INTS6: variants seen among roughly 807,000 people sequenced by gnomAD.
The protein encoded by INTS6 is integrator complex subunit 6, also known as DEAD box protein.
INTS6 carries 16 observed loss-of-function variants against 104.9 expected under a neutral mutation model. That is an observed-to-expected ratio of 0.15 (90% CI 0.10 to 0.23). The LOEUF (loss-of-function observed/expected upper bound fraction) is 0.23. Ranked by LOEUF, INTS6 falls within the 10% of genes least tolerant of loss-of-function variation. The probability of loss-of-function intolerance (pLI) is 1.00; values close to 1 mark genes in which losing one functional copy is unlikely to be tolerated. For synonymous variants in INTS6, 324 were observed against 358.7 expected (o/e 0.90, Z 1.09); for missense variants, 584 against 1,062.8 (o/e 0.55, Z 6.26).
chr13:51,422,220 A>G (rs1205961608), intron 4 of INTS6, among the ~76,000 whole-genome samples: 3 of 152,070 alleles, frequency 2.0e-5, no homozygotes, highest in Non-Finnish European at 4.4e-5. Flanking sequence ...TTTATTTTTT[A>G]TCACCCACAT....
intron 3 of INTS6, among the ~76,000 whole-genome samples, chr13:51,355,811 T>C (rs1955472404): frequency 6.6e-6 from 1 of 152,190 alleles, no homozygotes; most frequent in African/African-American, 2.4e-5. Flanking sequence ...CAAGACACCA[T>C]TGGCTAAACT....
intron 4 of INTS6, among the ~76,000 whole-genome samples, chr13:51,423,786 T>C (rs1381217810): frequency 2.0e-5 from 3 of 152,062 alleles, no homozygotes; most frequent in African/African-American, 7.2e-5. Flanking sequence ...GTCAAAAACA[T>C]TTCTAACTTT....
At position 51,361,889 on chromosome 13, in the gene INTS6, C is replaced by T; in HGVS notation, c.*3863G>A. ...TCATCTATTTCCTGAGAGAACCTAA[C>T]ACAGGTATTACAGTATTTTTTGACA... is the stretch of plus-strand genomic sequence containing the variant. On this transcript the variant is annotated 3_prime_UTR_variant, in exon 18 of 18. Transcript: ENST00000311234. The T allele has an allele frequency of 6.2e-7, 1 of 1,611,470 alleles. No homozygotes were observed. The highest frequency in any genetic ancestry group is 1.1e-5 in the South Asian group (1 of 90,958).
chr13:51,444,638 A>C (rs2138155240), intron 3 of INTS6: 1 of 151,790 alleles, frequency 6.6e-6, no homozygotes, highest in African/African-American at 2.4e-5. Flanking sequence ...AATCCCAGCT[A>C]CTCAGGAGGC....
chr13:51,389,325 C>T lies in INTS6; in HGVS notation c.733G>A (p.Val245Ile), dbSNP rs974762754. 2 of 1,611,770 alleles carry T rather than the reference C, an allele frequency of 1.2e-6. No homozygotes were observed. The highest frequency in any genetic ancestry group is 1.7e-6 in the Non-Finnish European group (2 of 1,179,246). Residue 245 changes from valine to isoleucine, a missense_variant, in exon 6 of 18, where the codon GTA becomes ATA. Val to Ile is a conservative substitution (Grantham distance 29). Coordinates refer to ENST00000311234, the MANE Select transcript of INTS6 (RefSeq NM_012141.3). ...FEKAGPDPSP[V>I]EDGQPDISRP... is the part of the protein sequence containing the mutation. Reference sequence around the variant, plus strand: ...AAGAAAAGTGCAATAATACCTTCTACAGGGGAAGGATCTGGTCCTGCTTTT... The same window carrying T: ...AAGAAAAGTGCAATAATACCTTCTATAGGGGAAGGATCTGGTCCTGCTTTT...
intron 3 of INTS6, 190 bp downstream of exon 3, chr13:51,450,835 G>C: frequency 8.3e-7 from 1 of 1,209,920 alleles, no homozygotes; most frequent in Non-Finnish European, 1.0e-6. Flanking sequence ...ATGCATTTTA[G>C]AGGGGGAAAA....
At chr13:51,395,073 T>C (rs1249151651) in intron 5 of INTS6, among the ~76,000 whole-genome samples, 1 of 152,208 alleles carries the variant, frequency 6.6e-6, no homozygotes, top group Non-Finnish European at 1.5e-5. Context: ...TCTATACAAG[T>C]AGAAAAAATA....
At chr13:51,383,548 C>T (rs370746281) in intron 8 of INTS6, 41 bp downstream of exon 8, 6 of 1,602,344 alleles carry the variant, frequency 3.7e-6, no homozygotes, top group Non-Finnish European at 3.4e-6. Context: ...TAAGAAATGC[C>T]TCATTTAAAT....
At chr13:51,343,674 C>T in the INTS6 span, among the ~76,000 whole-genome samples, 3 of 152,166 alleles carry the variant, frequency 2.0e-5, no homozygotes, top group African/African-American at 7.2e-5. Context: ...TCTTACTTTT[C>T]CTCTGTATTT....
chr13:51,438,956 C>T (rs1952743481), intron 3 of INTS6: 1 of 152,162 alleles, frequency 6.6e-6, no homozygotes, highest in South Asian at 2.1e-4. Flanking sequence ...AAATAGTTTT[C>T]AATTATTTCA....
the INTS6 span, chr13:51,348,178 G>T: frequency 6.6e-7 from 1 of 1,509,832 alleles, no homozygotes; most frequent in South Asian, 1.2e-5. Flanking sequence ...CTGGCTCCTG[G>T]GACAGAGCTG....
intron 4 of INTS6, among the ~76,000 whole-genome samples, chr13:51,414,608 T>C (rs1463448086): frequency 6.6e-5 from 10 of 152,126 alleles, no homozygotes; most frequent in African/African-American, 2.4e-4. Flanking sequence ...ATAATGTAGA[T>C]GGAAAAGAAG....
downstream of INTS6, among the ~76,000 whole-genome samples, chr13:51,351,604 G>A (rs992070423): frequency 2.0e-5 from 3 of 152,000 alleles, no homozygotes; most frequent in African/African-American, 7.2e-5. Context: ...TCTCAATGGT[G>A]TCCTTTGAAG....
chr13:51,367,976 TATG>T (rs1955726333), intron 16 of INTS6, 78 bp from the exon 17 acceptor site: 17 of 754,818 alleles, frequency 2.3e-5, no homozygotes, highest in African/African-American at 3.7e-5. Flanking sequence ...TTTTGCAGTT[TATG>T]ATATTAAGAT....
Position 51,363,144 on chromosome 13 carries a change from G to A in INTS6, c.*2608C>T, listed in dbSNP as rs1235589863. On this transcript the variant is annotated 3_prime_UTR_variant, in exon 18 of 18. Coordinates refer to ENST00000311234, the MANE Select transcript of INTS6 (RefSeq NM_012141.3). ...AGCCAATAGCCAATAAAGGTTGATA[G>A]GTAAAAGAGAGATTCTGATTTTGGA... The A allele has an allele frequency of 6.6e-6, 1 of 151,888 alleles. No individual in the cohort carries two copies. The highest frequency in any genetic ancestry group is 1.5e-5 in the Non-Finnish European group (1 of 67,882). The allele number at this position is 151,888 out of a possible 1,614,324, so 9.4% of individuals were successfully genotyped here. A position where few individuals can be genotyped will look rare whatever the true frequency, so the allele number is the denominator to read the frequency against.
chr13:51,372,909 T>A (rs1379685828), intron 15 of INTS6, among the ~76,000 whole-genome samples: 1 of 152,230 alleles, frequency 6.6e-6, no homozygotes, highest in African/African-American at 2.4e-5. Context: ...CTCCAACATG[T>A]TTTCTGTTTG....
chr13:51,336,714 G>C, the INTS6 span, among the ~76,000 whole-genome samples: 1 of 152,178 alleles, frequency 6.6e-6, no homozygotes, highest in Non-Finnish European at 1.5e-5. Flanking sequence ...GCTGTTTGCT[G>C]TCATCTTCAC....
intron 3 of INTS6, among the ~76,000 whole-genome samples, chr13:51,355,308 G>A (rs1350746085): frequency 1.3e-5 from 2 of 152,110 alleles, no homozygotes; most frequent in East Asian, 3.8e-4. Flanking sequence ...TCAAATTTGG[G>A]TTAGATCTTG....
the INTS6 span, among the ~76,000 whole-genome samples, chr13:51,345,592 C>CAAAAA: frequency 7.1e-3 from 261 of 36,994 alleles, 10 homozygotes; most frequent in Middle Eastern, 0.014. Flanking sequence ...GATTTCATCT[C>CAAAAA]AAAAAAAAAA....
Sources: allele counts gnomAD v4.1 joint callset (sites outside exome capture counted in the v4.1 genomes callset), GRCh38; gene constraint gnomAD v4.1.1; transcripts MANE v1.5; gene names NCBI Gene and HGNC (gene_info 2026-07-23, HGNC 2026-07-21).